ETV6: variants seen among roughly 807,000 people sequenced by gnomAD.
The protein encoded by ETV6 is ETS variant transcription factor 6, also known as transcription factor ETV6.
A neutral mutation model predicts 51.1 loss-of-function variants in ETV6; 16 were observed. The observed-to-expected ratio is 0.31, with a 90% CI of 0.21 to 0.48. ETV6 has a LOEUF of 0.48. Ranked by LOEUF, ETV6 falls within the 20% of genes least tolerant of loss-of-function variation. The pLI, the probability that ETV6 is intolerant of heterozygous loss-of-function variation, is 0.99. For missense variants in ETV6, 458 were observed against 594.8 expected, an observed-to-expected ratio of 0.77 and a Z score of 2.39; for synonymous variants, 240 against 224.1, an observed-to-expected ratio of 1.07 and a Z score of -0.64.
intron 2 of ETV6, among the ~76,000 whole-genome samples, chr12:11,828,620 A>T (rs1946196177): frequency 6.6e-6 from 1 of 152,214 alleles, no homozygotes; most frequent in Non-Finnish European, 1.5e-5. Flanking sequence ...GTAGTCTATA[A>T]GCTTTGAAAT....
In ETV6 at chr12:11,829,101, C is replaced by T. The variant is rs1946203302; in HGVS notation, c.164-10039C>T. On this transcript the variant is annotated intron_variant, in intron 2 of 7. Transcript: ENST00000396373. Reference sequence around the variant, plus strand: ...CAAGATGACAATTCAGTCCCCTCCTCAAAGCACTGTACTGGGCCTCATAGC... The same window carrying T: ...CAAGATGACAATTCAGTCCCCTCCTTAAAGCACTGTACTGGGCCTCATAGC... Among the ~76,000 whole-genome samples, 3 of 152,148 alleles carry T rather than the reference C, an allele frequency of 2.0e-5. No individual in the cohort carries two copies. In the South Asian group the frequency reaches 6.2e-4, roughly 32 times the overall value.
intron 1 of ETV6, among the ~76,000 whole-genome samples, chr12:11,748,558 G>A (rs892032777): frequency 4.6e-5 from 7 of 152,142 alleles, no homozygotes; most frequent in Admixed American, 3.3e-4. Context: ...GGGGATCCCC[G>A]TGATTTATGG....
intron 1 of ETV6, among the ~76,000 whole-genome samples, chr12:11,734,305 C>T (rs76976638): frequency 1.4e-4 from 22 of 152,200 alleles, no homozygotes; most frequent in African/African-American, 5.1e-4. Flanking sequence ...GCTGAGCCAT[C>T]TCGGAAATGA....
chr12:11,893,363 C>A lies in ETV6; in HGVS notation c.*2317C>A, dbSNP rs187884342. On this transcript the variant is annotated 3_prime_UTR_variant, in exon 8 of 8. Coordinates refer to ENST00000396373, the MANE Select transcript of ETV6 (RefSeq NM_001987.5). ...CTCAGTCTCTTACTGTTCAAAGAAT[C>A]TTAACAGTTGAATTATGGAGGGAAA... is the stretch of plus-strand genomic sequence containing the variant. 1.0e-4 allele frequency: 22 copies of A among 217,006 alleles called. No individual in the cohort carries two copies. The highest frequency in any genetic ancestry group is 9.6e-4 in the Admixed American group (15 of 15,642). 13.4% of individuals were successfully genotyped at this position (217,006 alleles called of 1,614,324 possible). A position where few individuals can be genotyped will look rare whatever the true frequency, so the allele number is the denominator to read the frequency against.
At chr12:11,666,099 A>G (rs1394796928) in intron 1 of ETV6, among the ~76,000 whole-genome samples, 1 of 152,196 alleles carries the variant, frequency 6.6e-6, no homozygotes, top group Non-Finnish European at 1.5e-5. Context: ...TCTGGGACCC[A>G]GTGGCAGGTC....
At chr12:11,868,697 CTAA>C (rs1378972034) in intron 4 of ETV6, among the ~76,000 whole-genome samples, 4 of 151,904 alleles carry the variant, frequency 2.6e-5, no homozygotes, top group Admixed American at 1.3e-4. Context: ...ATCACTAATA[CTAA>C]TAACTCCTAG....
intron 1 of ETV6, among the ~76,000 whole-genome samples, chr12:11,731,161 A>G (rs2724604): frequency 0.83 from 125,861 of 152,266 alleles, 56,489 homozygotes; most frequent in Non-Finnish European, 0.99. Flanking sequence ...AAGAAGAGTC[A>G]TGACTAAGTC....
chr12:11,745,793 G>T (rs1474776301), intron 1 of ETV6, among the ~76,000 whole-genome samples: 1 of 152,198 alleles, frequency 6.6e-6, no homozygotes. Flanking sequence ...TTCCGTTGTT[G>T]TTAAAGACAA....
intron 5 of ETV6, among the ~76,000 whole-genome samples, chr12:11,881,734 T>C (rs1947098177): frequency 6.6e-6 from 1 of 152,254 alleles, no homozygotes; most frequent in South Asian, 2.1e-4. Context: ...AGCAGATCTC[T>C]ATTTTCCCTT....
At position 11,892,706 on chromosome 12, in the gene ETV6, C is replaced by T; in HGVS notation, c.*1660C>T. The T allele has an allele frequency of 4.3e-6, 1 of 233,100 alleles. No individual in the cohort carries two copies. The highest frequency in any genetic ancestry group is 2.2e-5 in the African/African-American group (1 of 45,456). The allele number at this position is 233,100 out of a possible 1,614,324, so 14.4% of individuals were successfully genotyped here. On this transcript the variant is annotated 3_prime_UTR_variant, in exon 8 of 8. Transcript: ENST00000396373. ...CGGGATACATATGTGCCCTCAGCAGCAGCTCCCAGGTGAAGTTACCAGACC... is the reference window on the plus strand; with the variant it reads ...CGGGATACATATGTGCCCTCAGCAGTAGCTCCCAGGTGAAGTTACCAGACC...
chr12:11,756,827 T>C (rs1334175498), intron 2 of ETV6, among the ~76,000 whole-genome samples: 2 of 152,266 alleles, frequency 1.3e-5, no homozygotes, highest in Non-Finnish European at 2.9e-5. Context: ...ACAGTGATGC[T>C]CAGGCCCCGC....
At position 11,893,570 on chromosome 12, in the gene ETV6, G is replaced by C. The variant is rs1439076086; in HGVS notation, c.*2524G>C. 4.3e-6 allele frequency: 1 copy of C among 231,412 alleles called. No homozygotes were observed. The highest frequency in any genetic ancestry group is 2.2e-5 in the African/African-American group (1 of 45,066). 14.3% of individuals were successfully genotyped at this position (231,412 alleles called of 1,614,324 possible). A position where few individuals can be genotyped will look rare whatever the true frequency, so the allele number is the denominator to read the frequency against. ...ATCTGAACAGTTAAAACCCCCAAATGCCCCAAAATCCAAACCTTCCTGAAC... is the reference window on the plus strand; with the variant it reads ...ATCTGAACAGTTAAAACCCCCAAATCCCCCAAAATCCAAACCTTCCTGAAC... On this transcript the variant is annotated 3_prime_UTR_variant, in exon 8 of 8. Transcript: ENST00000396373.
intron 1 of ETV6, among the ~76,000 whole-genome samples, chr12:11,696,276 G>A (rs948922920): frequency 1.4e-4 from 22 of 152,300 alleles, no homozygotes; most frequent in African/African-American, 5.3e-4. Context: ...TGGGAACAGT[G>A]ATTTTCATCT....
At chr12:11,783,809 C>T (rs975595896) in intron 2 of ETV6, among the ~76,000 whole-genome samples, 6 of 152,188 alleles carry the variant, frequency 3.9e-5, no homozygotes, top group Admixed American at 3.3e-4. Flanking sequence ...CTTGTGGAAA[C>T]TCCCACTTCA....
chr12:11,879,092 A>G (rs1947045224), intron 5 of ETV6, among the ~76,000 whole-genome samples: 1 of 152,110 alleles, frequency 6.6e-6, no homozygotes, highest in South Asian at 2.1e-4. Context: ...GCTTAGTAGC[A>G]ACTTTTTTTT....
At chr12:11,655,985 C>T (rs1472093015) in intron 1 of ETV6, among the ~76,000 whole-genome samples, 1 of 152,198 alleles carries the variant, frequency 6.6e-6, no homozygotes, top group Non-Finnish European at 1.5e-5. Context: ...TAGCTTACAG[C>T]TATATAGTGA....
At chr12:11,860,154 C>G (rs1946694730) in intron 4 of ETV6, among the ~76,000 whole-genome samples, 1 of 152,176 alleles carries the variant, frequency 6.6e-6, no homozygotes, top group African/African-American at 2.4e-5. Flanking sequence ...TGGCCCCTCT[C>G]TACAGCGGCT....
chr12:11,706,943 G>A (rs1865083252), intron 1 of ETV6, among the ~76,000 whole-genome samples: 1 of 152,186 alleles, frequency 6.6e-6, no homozygotes, highest in Admixed American at 6.5e-5. Flanking sequence ...TCTGCCAGGG[G>A]ACCAACTCCT....
intron 1 of ETV6, among the ~76,000 whole-genome samples, chr12:11,677,123 G>A (rs1407362394): frequency 6.6e-6 from 1 of 152,190 alleles, no homozygotes; most frequent in Non-Finnish European, 1.5e-5. Flanking sequence ...CAACTAAAGG[G>A]AGGTCTATTC....
Sources: allele counts gnomAD v4.1 joint callset (sites outside exome capture counted in the v4.1 genomes callset), GRCh38; gene constraint gnomAD v4.1.1; transcripts MANE v1.5; gene names NCBI Gene and HGNC (gene_info 2026-07-23, HGNC 2026-07-21).